The following KCNG2 variants were observed in gnomAD, a reference collection of about 807,000 sequenced individuals.
KCNG2 encodes the protein potassium voltage-gated channel modifier subfamily G member 2.
Under a neutral mutation model 12.3 loss-of-function variants are expected in KCNG2, and 7 were observed. The ratio of observed to expected loss-of-function variants is 0.57; its 90% CI spans 0.32 to 1.07. The LOEUF (loss-of-function observed/expected upper bound fraction) is 1.07, where lower values mean the gene tolerates loss of function less well. Among genes scored for constraint, KCNG2 ranks in the 50% least tolerant of loss-of-function variants. The pLI, the probability that KCNG2 is intolerant of heterozygous loss-of-function variation, is 0.04. For missense variants in KCNG2, 703 were observed against 726.0 expected (o/e 0.97, Z 0.36); for synonymous variants, 414 against 351.4 (o/e 1.18, Z -1.99).
In KCNG2 at chr18:79,882,771, G is replaced by A. The variant is rs536999066; in HGVS notation, c.625-16269G>A. Among the ~76,000 whole-genome samples, 372 of 146,632 alleles carry A rather than the reference G, an allele frequency of 2.5e-3. 2 individuals are homozygous for A. The highest frequency in any genetic ancestry group is 8.6e-3 in the African/African-American group (350 of 40,866). ...GAGGCTGCCGTGGAGCGCGGAGGCC[G>A]GGTACACCTGCGCGTGGAGCGCGGA... On this transcript the variant is annotated intron_variant, in intron 3 of 3. Transcript: ENST00000316249.
At chr18:79,882,851 CGCGGAGGCCGGGTACACCTGCGCGTGGA>C (rs1980365574) in intron 3 of KCNG2, among the ~76,000 whole-genome samples, 1 of 151,168 alleles carries the variant, frequency 6.6e-6, no homozygotes, top group Non-Finnish European at 1.5e-5. Context: ...GCGCGTGGAG[CGCGGAGGCCGGGTACACCTGCGCGTGGA>C]GCGCGGAGGC....
rs557820170 is a variant in KCNG2, at chr18:79,880,892, C to G, written c.624+16601C>G. 2.7e-4 allele frequency among the ~76,000 whole-genome samples: 41 copies of G among 152,322 alleles called. 1 individual carries two copies. The South Asian group carries it at 8.3e-3, about 31-fold the overall frequency. ...TGTAGAAAAAGCGTTTGACTAAATT[C>G]AGTATCCATTCATGATTTTTAAAAC... On this transcript the variant is annotated intron_variant, in intron 3 of 3. Transcript: ENST00000316249.
At chr18:79,888,960 T>C (rs1284041240) in intron 3 of KCNG2, among the ~76,000 whole-genome samples, 1 of 152,210 alleles carries the variant, frequency 6.6e-6, no homozygotes, top group African/African-American at 2.4e-5. Context: ...ATTACAAGCA[T>C]GAGCCACCAC....
intron 3 of KCNG2, among the ~76,000 whole-genome samples, chr18:79,889,582 C>A (rs1039796055): frequency 6.6e-6 from 1 of 152,158 alleles, no homozygotes; most frequent in Non-Finnish European, 1.5e-5. Flanking sequence ...GGATTGTTGT[C>A]GCATATTCTA....
At chr18:79,871,263 G>C (rs1262692209) in intron 3 of KCNG2, among the ~76,000 whole-genome samples, 1 of 152,248 alleles carries the variant, frequency 6.6e-6, no homozygotes, top group Non-Finnish European at 1.5e-5. Flanking sequence ...AGCGCAAAAC[G>C]TGCTTGCGTC....
At chr18:79,866,030 CTG>C (rs1979513344) in intron 3 of KCNG2, among the ~76,000 whole-genome samples, 1 of 137,372 alleles carries the variant, frequency 7.3e-6, no homozygotes, top group Non-Finnish European at 1.5e-5. Flanking sequence ...GCTGAGAGGT[CTG>C]TGTGCTGAGA....
intron 1 of KCNG2, among the ~76,000 whole-genome samples, chr18:79,798,235 G>C (rs1224614528): frequency 2.6e-5 from 4 of 151,892 alleles, no homozygotes; most frequent in African/African-American, 9.7e-5. Context: ...GGCCGGGCGG[G>C]GCTGGTGCCT....
intron 2 of KCNG2, among the ~76,000 whole-genome samples, chr18:79,861,050 C>T (rs1772588744): frequency 6.6e-6 from 1 of 152,168 alleles, no homozygotes. Flanking sequence ...TTCGTCAAAT[C>T]CTTTTTCTGC....
At position 79,863,648 on chromosome 18, in the gene KCNG2, G is replaced by T; in HGVS notation, c.-20G>T. 8.3e-7 allele frequency: 1 copy of T among 1,211,686 alleles called. No homozygotes were observed. The highest frequency in any genetic ancestry group is 4.0e-5 in the South Asian group (1 of 24,860). The allele number at this position is 1,211,686 out of a possible 1,614,324, so 75.1% of individuals were successfully genotyped here. ...TGCAGGAGCCGGGCAGGAGCCCCTC[G>T]GTCCGGTCCGGCCCTGCGCATGGAG... On this transcript the variant is annotated 5_prime_UTR_variant, in exon 3 of 4. Transcript: ENST00000316249.
intron 1 of KCNG2, among the ~76,000 whole-genome samples, chr18:79,802,356 C>T (rs565387792): frequency 2.0e-5 from 3 of 152,222 alleles, no homozygotes; most frequent in African/African-American, 4.8e-5. Flanking sequence ...CGTGCCGCTC[C>T]GGTCCGGAGA....
chr18:79,814,466 C>T (rs1334195872), intron 1 of KCNG2, among the ~76,000 whole-genome samples: 1 of 152,214 alleles, frequency 6.6e-6, no homozygotes, highest in Non-Finnish European at 1.5e-5. Flanking sequence ...GGGAATTATG[C>T]TGTGTGAAGA....
At chr18:79,805,460 G>A (rs996565232) in intron 1 of KCNG2, among the ~76,000 whole-genome samples, 2 of 152,248 alleles carry the variant, frequency 1.3e-5, no homozygotes, top group African/African-American at 2.4e-5. Flanking sequence ...ACACAAAAGT[G>A]CACTGGCTAC....
chr18:79,885,940 G>A lies in KCNG2; in HGVS notation c.625-13100G>A, dbSNP rs576233242. On this transcript the variant is annotated intron_variant, in intron 3 of 3. Transcript: ENST00000316249. Reference sequence around the variant, plus strand: ...ATGGGAACATGGGACGTGGGGACAGGGACATGGGGACACGGGACAGGGAGA... The same window carrying A: ...ATGGGAACATGGGACGTGGGGACAGAGACATGGGGACACGGGACAGGGAGA... Among the ~76,000 whole-genome samples the A allele has an allele frequency of 1.3e-3, 24 of 18,642 alleles. 4 individuals are homozygous for A. The highest frequency in any genetic ancestry group is 2.2e-3 in the African/African-American group (24 of 10,862). The allele number at this position is 18,642 out of a possible 152,430, so 12.2% of individuals were successfully genotyped here. A position where few individuals can be genotyped will look rare whatever the true frequency, so the allele number is the denominator to read the frequency against.
rs1286746510 is a variant in KCNG2 at position 79,803,618 on chromosome 18, C to G, written c.-115+5604C>G. 1.3e-5 allele frequency among the ~76,000 whole-genome samples: 2 copies of G among 152,176 alleles called. No individual in the cohort carries two copies. Among genetic ancestry groups the G allele is most frequent in the Non-Finnish European group, 2.9e-5 (2 of 68,032 alleles). On this transcript the variant is annotated intron_variant, in intron 1 of 3. Coordinates refer to ENST00000316249, the MANE Select transcript of KCNG2 (RefSeq NM_012283.2). This position sits in a 1 kb window ranked among gnomAD's most constrained non-coding sequence, Gnocchi z 4.5. ...CTTCCCTGAGAACCTGCAGGGCTGGCCGTGATTCTCACCACTTGTGGTCCA... is the reference window on the plus strand; with the variant it reads ...CTTCCCTGAGAACCTGCAGGGCTGGGCGTGATTCTCACCACTTGTGGTCCA...
intron 1 of KCNG2, among the ~76,000 whole-genome samples, chr18:79,837,590 A>T (rs895477820): frequency 6.6e-6 from 1 of 152,230 alleles, no homozygotes; most frequent in African/African-American, 2.4e-5. Context: ...GCAAAATGCC[A>T]CTAGTCTCTT....
rs1412770435 is a variant in KCNG2, at chr18:79,849,424, C to T, written c.-114-6955C>T. Among the ~76,000 whole-genome samples, 5 of 152,350 alleles carry T rather than the reference C, an allele frequency of 3.3e-5. No homozygotes were observed. In the East Asian group the frequency reaches 9.7e-4, roughly 29 times the overall value. On this transcript the variant is annotated intron_variant, in intron 1 of 3. Transcript: ENST00000316249. ...GGGGCCCTGCACCCCCATCTGACCC[C>T]ATCCTCTGCCCTGTGCTGGGGCAGG... is the stretch of plus-strand genomic sequence containing the variant.
At chr18:79,868,444 C>A (rs1262190504) in intron 3 of KCNG2, among the ~76,000 whole-genome samples, 1 of 152,160 alleles carries the variant, frequency 6.6e-6, no homozygotes, top group Non-Finnish European at 1.5e-5. Flanking sequence ...GGCCTGGTGA[C>A]CCGTGTCCGA....
At chr18:79,842,028 G>C (rs1037750978) in intron 1 of KCNG2, among the ~76,000 whole-genome samples, 2 of 152,200 alleles carry the variant, frequency 1.3e-5, no homozygotes, top group Non-Finnish European at 2.9e-5. Context: ...CTTGATGCCA[G>C]GCTGGCCCCT....
chr18:79,846,740 C>A (rs144517491), intron 1 of KCNG2, among the ~76,000 whole-genome samples: 92 of 152,326 alleles, frequency 6.0e-4, no homozygotes, highest in African/African-American at 2.1e-3. Context: ...TTCTCAGCTG[C>A]AGTCGTATGC....
Sources: gnomAD v4.1 joint callset for allele counts (sites outside exome capture counted in the v4.1 genomes callset) on GRCh38, gnomAD v4.1.1 for gene constraint, Gnocchi (gnomAD v3.1) non-coding constraint, MANE v1.5 for transcripts, NCBI Gene and HGNC (gene_info 2026-07-23, HGNC 2026-07-21) for gene names.